SMAD2: variants seen among roughly 807,000 people sequenced by gnomAD.
The protein encoded by SMAD2 is MAD homolog 2.
In SMAD2, 8 loss-of-function variants were observed where a neutral mutation model predicts 64.4. That is an observed-to-expected ratio of 0.12 (90% CI 0.07 to 0.22). The LOEUF is 0.22. SMAD2 is among the 10% of genes least tolerant of loss of function. SMAD2 has a pLI of 1.00. For missense variants in SMAD2, 289 were observed against 561.2 expected (o/e 0.51, Z 4.90); for synonymous variants, 203 against 195.8 (o/e 1.04, Z -0.31).
chr18:47,856,953 G>T (rs2030750036), intron 6 of SMAD2, among the ~76,000 whole-genome samples: 1 of 149,050 alleles, frequency 6.7e-6, no homozygotes, highest in South Asian at 2.1e-4. Flanking sequence ...CGCCTCCCGG[G>T]TTCACACCAT....
intron 1 of SMAD2, among the ~76,000 whole-genome samples, chr18:47,912,928 C>CT (rs549054968): frequency 1.1e-3 from 145 of 137,076 alleles, no homozygotes; most frequent in Middle Eastern, 3.7e-3. Flanking sequence ...TTCTGTAACA[C>CT]TTTTTTTTTT....
In SMAD2 at chr18:47,811,861, T is replaced by A. The variant is rs886174943; in HGVS notation, c.*29966A>T. 6.6e-6 allele frequency: 1 copy of A among 152,216 alleles called. No individual in the cohort carries two copies. Among genetic ancestry groups the A allele is most frequent in the Non-Finnish European group, 1.5e-5 (1 of 68,040 alleles). 9.4% of individuals were successfully genotyped at this position (152,216 alleles called of 1,614,324 possible). ...AGTCGATCAAGAAGCATTTATTGCATGCCTACCATATATAAAGCACTGCTG... is the reference window on the plus strand; with the variant it reads ...AGTCGATCAAGAAGCATTTATTGCAAGCCTACCATATATAAAGCACTGCTG... On this transcript the variant is annotated 3_prime_UTR_variant, in exon 11 of 11. Coordinates refer to ENST00000262160, the MANE Select transcript of SMAD2 (RefSeq NM_005901.6).
At chr18:47,924,381 G>C (rs1334940581) in intron 1 of SMAD2, among the ~76,000 whole-genome samples, 1 of 152,074 alleles carries the variant, frequency 6.6e-6, no homozygotes, top group African/African-American at 2.4e-5. Flanking sequence ...AAGGCTCACG[G>C]GCCCAGCTTC....
intron 5 of SMAD2, 150 bp downstream of exon 5, chr18:47,868,173 C>T: frequency 1.4e-6 from 1 of 698,342 alleles, no homozygotes; most frequent in African/African-American, 1.8e-5. Context: ...TTATACATTT[C>T]ACAAAATAAT....
At chr18:47,849,736 G>A (rs531124749) in intron 7 of SMAD2, among the ~76,000 whole-genome samples, 9 of 152,058 alleles carry the variant, frequency 5.9e-5, no homozygotes, top group East Asian at 1.9e-4. Flanking sequence ...GGCCCAGCAC[G>A]ATGGCTCACG....
chr18:47,858,937 G>A (rs118152293), intron 6 of SMAD2, among the ~76,000 whole-genome samples: 1,991 of 151,792 alleles, frequency 0.013, 21 homozygotes, highest in Non-Finnish European at 0.02. Context: ...AAATATAAGC[G>A]GACTAAATTT....
chr18:47,849,198 A>G (rs1914835466), intron 7 of SMAD2, among the ~76,000 whole-genome samples: 1 of 152,140 alleles, frequency 6.6e-6, no homozygotes, highest in Non-Finnish European at 1.5e-5. Flanking sequence ...TTGGTGAGAT[A>G]CCCTAGCTAC....
In SMAD2 at chr18:47,835,140, A is replaced by G; in HGVS notation, c.*6687T>C. 1 of 221,232 alleles carries G rather than the reference A, an allele frequency of 4.5e-6. No individual in the cohort carries two copies. The highest frequency in any genetic ancestry group is 9.0e-6 in the Non-Finnish European group (1 of 110,620). 13.7% of individuals were successfully genotyped at this position (221,232 alleles called of 1,614,324 possible). Reference sequence around the variant, plus strand: ...TATAAAAGGTTAGTGTCACAGCTTCACTATCACTAATAAAAAGATACAAAT... The same window carrying G: ...TATAAAAGGTTAGTGTCACAGCTTCGCTATCACTAATAAAAAGATACAAAT... On this transcript the variant is annotated 3_prime_UTR_variant, in exon 11 of 11. Transcript: ENST00000262160.
At chr18:47,863,623 A>G (rs2031350874) in intron 6 of SMAD2, among the ~76,000 whole-genome samples, 1 of 152,152 alleles carries the variant, frequency 6.6e-6, no homozygotes, top group East Asian at 1.9e-4. Flanking sequence ...ACGTCATGCT[A>G]TACTGTCATT....
chr18:47,910,083 T>C (rs1037960040), intron 1 of SMAD2, among the ~76,000 whole-genome samples: 1 of 151,614 alleles, frequency 6.6e-6, no homozygotes, highest in African/African-American at 2.4e-5. Context: ...GATACATTCC[T>C]ACTAGAGAAA....
chr18:47,865,553 C>G (rs911480578), intron 5 of SMAD2, among the ~76,000 whole-genome samples: 1 of 152,102 alleles, frequency 6.6e-6, no homozygotes, highest in East Asian at 1.9e-4. Flanking sequence ...AAAAAACACA[C>G]AAGATTTTGG....
chr18:47,918,528 T>C (rs1435363244), intron 1 of SMAD2, among the ~76,000 whole-genome samples: 2 of 152,222 alleles, frequency 1.3e-5, no homozygotes, highest in Admixed American at 6.5e-5. Context: ...TTTGATCAGC[T>C]TTTTAGATCC....
rs897982273 is a variant in SMAD2, at chr18:47,821,658, A to T, written c.*20169T>A. The T allele has an allele frequency of 6.6e-6, 1 of 152,232 alleles. No individual in the cohort carries two copies. The highest frequency in any genetic ancestry group is 1.9e-4 in the East Asian group (1 of 5,190). The allele number at this position is 152,232 out of a possible 1,614,324, so 9.4% of individuals were successfully genotyped here. Reference sequence around the variant, plus strand: ...TTCAGTATATCCAAATAGGCTTCCCATAAGTAAAGGCAGTCACACTGCAAG... The same window carrying T: ...TTCAGTATATCCAAATAGGCTTCCCTTAAGTAAAGGCAGTCACACTGCAAG... On this transcript the variant is annotated 3_prime_UTR_variant, in exon 11 of 11. Coordinates refer to ENST00000262160, the MANE Select transcript of SMAD2 (RefSeq NM_005901.6).
chr18:47,904,840 A>T (rs181151741), intron 1 of SMAD2, among the ~76,000 whole-genome samples: 2 of 152,322 alleles, frequency 1.3e-5, no homozygotes, highest in Admixed American at 6.5e-5. Flanking sequence ...CTATAATTTA[A>T]AACTCCCAGC....
chr18:47,846,382 A>C (rs1914490190), intron 8 of SMAD2, among the ~76,000 whole-genome samples: 1 of 152,180 alleles, frequency 6.6e-6, no homozygotes, highest in Non-Finnish European at 1.5e-5. Context: ...AAGAATTAAA[A>C]AAAAAATTGT....
chr18:47,890,479 C>A (rs2033138973), intron 2 of SMAD2, among the ~76,000 whole-genome samples: 1 of 152,138 alleles, frequency 6.6e-6, no homozygotes, highest in African/African-American at 2.4e-5. Flanking sequence ...GAACGAAGAC[C>A]TAGAATATCT....
rs576486549 is a variant in SMAD2 at position 47,828,197 on chromosome 18, C to T, written c.*13630G>A. ...CCGTCCGGGAAGTAAGGAGCGTCTC[C>T]GCCCAGCAGCCGCCCCGTCTGGGAG... On this transcript the variant is annotated 3_prime_UTR_variant, in exon 11 of 11. Coordinates refer to ENST00000262160, the MANE Select transcript of SMAD2 (RefSeq NM_005901.6). 165 of 155,770 alleles carry T rather than the reference C, an allele frequency of 1.1e-3. 1 individual carries two copies. Among genetic ancestry groups the T allele is most frequent in the Non-Finnish European group, 1.8e-3 (127 of 71,540 alleles). The allele number at this position is 155,770 out of a possible 1,614,324, so 9.6% of individuals were successfully genotyped here.
At chr18:47,873,565 G>C (rs1413565080) in intron 2 of SMAD2, among the ~76,000 whole-genome samples, 1 of 152,166 alleles carries the variant, frequency 6.6e-6, no homozygotes, top group African/African-American at 2.4e-5. Context: ...AATTAAAACA[G>C]TATGCAATTA....
At chr18:47,846,516 C>T (rs1914506028) in intron 8 of SMAD2, among the ~76,000 whole-genome samples, 1 of 152,160 alleles carries the variant, frequency 6.6e-6, no homozygotes, top group Non-Finnish European at 1.5e-5. Flanking sequence ...GGCAGCAAAT[C>T]AGTTAACCTT....
Sources: allele counts gnomAD v4.1 joint callset (sites outside exome capture counted in the v4.1 genomes callset), GRCh38; gene constraint gnomAD v4.1.1; transcripts MANE v1.5; gene names NCBI Gene and HGNC (gene_info 2026-07-23, HGNC 2026-07-21).